Variants in MRTFA observed in about 807,000 individuals in gnomAD.
The protein encoded by MRTFA is myocardin-related transcription factor A.
A neutral mutation model predicts 83.5 loss-of-function variants in MRTFA; 20 were observed. The observed-to-expected ratio is 0.24, with a 90% CI of 0.17 to 0.35. The LOEUF (loss-of-function observed/expected upper bound fraction) is 0.35, where lower values mean the gene tolerates loss of function less well. Ranked by LOEUF, MRTFA falls within the 10% of genes least tolerant of loss-of-function variation. The pLI is 1.00. For missense variants in MRTFA, 1,200 were observed against 1,224.7 expected (o/e 0.98, Z 0.30); for synonymous variants, 659 against 541.2 (o/e 1.22, Z -3.02).
chr22:40,419,277 C>T lies in MRTFA; in HGVS notation c.1461G>A (p.Val487=). 6.2e-7 allele frequency: 1 copy of T among 1,613,634 alleles called. No individual in the cohort carries two copies. ...CGGCAGGGGCCTTGGGGGCTCCTGG[C>T]ACAGGGCTGATTTGGTCTTGATAGG... Residue 487 remains valine, a synonymous_variant, in exon 12 of 15, where the codon GTG becomes GTA. Transcript: ENST00000355630.
At chr22:40,581,652 A>T (rs1477056109) in intron 2 of MRTFA, among the ~76,000 whole-genome samples, 1 of 152,180 alleles carries the variant, frequency 6.6e-6, no homozygotes, top group Non-Finnish European at 1.5e-5. Flanking sequence ...ATATATATAC[A>T]ACTTATTCCT....
At chr22:40,600,508 A>G (rs1418631753) in intron 1 of MRTFA, among the ~76,000 whole-genome samples, 1 of 152,206 alleles carries the variant, frequency 6.6e-6, no homozygotes, top group Non-Finnish European at 1.5e-5. Context: ...GGCTGAGATT[A>G]TATTTGATTA....
chr22:40,467,208 A>C (rs529865874), intron 3 of MRTFA, among the ~76,000 whole-genome samples: 21 of 152,284 alleles, frequency 1.4e-4, no homozygotes, highest in African/African-American at 5.1e-4. Context: ...GTACTGCAAT[A>C]ACCTGATTTA....
chr22:40,459,419 A>C (rs949799655), intron 4 of MRTFA, among the ~76,000 whole-genome samples: 21 of 152,054 alleles, frequency 1.4e-4, no homozygotes, highest in African/African-American at 4.8e-4. Flanking sequence ...AGCTGATAAC[A>C]AGACTATGTC....
Position 40,636,674 on chromosome 22 carries a change from G to C in MRTFA, c.-280C>G, listed in dbSNP as rs1276991774. 2 of 152,424 alleles carry C rather than the reference G, an allele frequency of 1.3e-5. No homozygotes were observed. The highest frequency in any genetic ancestry group is 1.3e-4 in the Admixed American group (2 of 15,292). The allele number at this position is 152,424 out of a possible 1,614,324, so 9.4% of individuals were successfully genotyped here. ...CGCTCTCGCCGCCGCGGCCACCACA[G>C]ACACTGCCGCCGCCGGCTCCTCTCA... On this transcript the variant is annotated 5_prime_UTR_variant, in exon 1 of 15. Coordinates refer to ENST00000355630, the MANE Select transcript of MRTFA (RefSeq NM_020831.6).
chr22:40,622,664 G>C (rs538702336), intron 1 of MRTFA, among the ~76,000 whole-genome samples: 2 of 152,228 alleles, frequency 1.3e-5, no homozygotes, highest in Admixed American at 6.5e-5. Context: ...GTAGCCACCA[G>C]AAGGTGGAAG....
At chr22:40,412,139 A>G (rs957423598) in intron 14 of MRTFA, 18 of 372,838 alleles carry the variant, frequency 4.8e-5, no homozygotes, top group African/African-American at 3.5e-4. Flanking sequence ...AAAACTCAAC[A>G]ACAAAAAACC....
intron 2 of MRTFA, among the ~76,000 whole-genome samples, chr22:40,586,254 T>C (rs1421777802): frequency 6.9e-6 from 1 of 144,844 alleles, no homozygotes; most frequent in Non-Finnish European, 1.5e-5. Context: ...AACAAATACA[T>C]CATTTGCTCT....
At chr22:40,527,505 C>A (rs578137620) in intron 3 of MRTFA, among the ~76,000 whole-genome samples, 7 of 151,656 alleles carry the variant, frequency 4.6e-5, no homozygotes, top group Admixed American at 4.6e-4. Context: ...CGTCTGTAAT[C>A]CCAGCACTTT....
chr22:40,443,798 G>A (rs1033097340), intron 4 of MRTFA, among the ~76,000 whole-genome samples: 16 of 152,122 alleles, frequency 1.1e-4, no homozygotes, highest in African/African-American at 3.6e-4. Context: ...GTAGGAAGCT[G>A]CTTTCATTCC....
intron 3 of MRTFA, among the ~76,000 whole-genome samples, chr22:40,515,306 G>A (rs998709623): frequency 6.6e-6 from 1 of 152,058 alleles, no homozygotes; most frequent in Admixed American, 6.5e-5. Flanking sequence ...GATATAAAAT[G>A]CTAAAACAAT....
intron 4 of MRTFA, among the ~76,000 whole-genome samples, chr22:40,451,788 G>C (rs2053491495): frequency 6.6e-6 from 1 of 151,934 alleles, no homozygotes; most frequent in Non-Finnish European, 1.5e-5. Flanking sequence ...TAAGACCCTG[G>C]ATCAGTCTAT....
At chr22:40,517,577 G>A (rs988356239) in intron 3 of MRTFA, among the ~76,000 whole-genome samples, 1 of 152,118 alleles carries the variant, frequency 6.6e-6, no homozygotes, top group African/African-American at 2.4e-5. Context: ...GTTAATATAC[G>A]TAAGGAGCTT....
intron 3 of MRTFA, among the ~76,000 whole-genome samples, chr22:40,497,392 G>C (rs1004805285): frequency 2.0e-5 from 3 of 152,190 alleles, no homozygotes; most frequent in Non-Finnish European, 4.4e-5. Context: ...AGGTCATTTG[G>C]ACAGCAGTGT....
chr22:40,477,175 CAAAAAAAA>C lies in MRTFA; in HGVS notation c.242-13897_242-13890del, dbSNP rs55932110. The stretch of plus-strand genomic sequence containing the variant: ...TGAAACCCTGTCTCTACTAAAAATA[CAAAAAAAA>C]AAAAAAAAAAAAAAAAAATAGCCGG... On this transcript the variant is annotated intron_variant, in intron 3 of 14. Coordinates refer to ENST00000355630, the MANE Select transcript of MRTFA (RefSeq NM_020831.6). 3.5e-3 allele frequency among the ~76,000 whole-genome samples: 207 copies of C among 59,616 alleles called. 1 individual carries two copies. In the Middle Eastern group the frequency reaches 0.045, roughly 13 times the overall value. 39.1% of individuals were successfully genotyped at this position (59,616 alleles called of 152,430 possible). A position where few individuals can be genotyped will look rare whatever the true frequency, so the allele number is the denominator to read the frequency against.
intron 4 of MRTFA, among the ~76,000 whole-genome samples, chr22:40,455,045 C>G (rs982002470): frequency 6.6e-6 from 1 of 152,164 alleles, no homozygotes; most frequent in Admixed American, 6.5e-5. Flanking sequence ...AGAGACCTTC[C>G]TGCCTTGGCC....
chr22:40,435,114 C>T (rs1602236946), intron 5 of MRTFA, among the ~76,000 whole-genome samples: 1 of 152,188 alleles, frequency 6.6e-6, no homozygotes, highest in African/African-American at 2.4e-5. Context: ...ACTTGGGAAG[C>T]TTTTCCATTG....
chr22:40,536,056 C>G lies in MRTFA; in HGVS notation c.241+16050G>C, dbSNP rs181527070. Among the ~76,000 whole-genome samples the G allele has an allele frequency of 3.0e-3, 453 of 151,758 alleles. 2 individuals carry two copies. The highest frequency in any genetic ancestry group is 0.01 in the African/African-American group (433 of 41,348). On this transcript the variant is annotated intron_variant, in intron 3 of 14. Transcript: ENST00000355630. ...AACAAGAAGCACTTACTTTCGTAGG[C>G]CAAACGGGAGGGTGGGTTGAAACTA... is the stretch of plus-strand genomic sequence containing the variant.
At chr22:40,430,860 C>CAAAAAA (rs1171650702) in intron 6 of MRTFA, among the ~76,000 whole-genome samples, 52 of 34,706 alleles carry the variant, frequency 1.5e-3, no homozygotes, top group Admixed American at 3.3e-3. Flanking sequence ...GACTCCATCA[C>CAAAAAA]AAAAAAAAAA....
Sources: allele counts gnomAD v4.1 joint callset (sites outside exome capture counted in the v4.1 genomes callset), GRCh38; gene constraint gnomAD v4.1.1; transcripts MANE v1.5; gene names NCBI Gene and HGNC (gene_info 2026-07-23, HGNC 2026-07-21).